Variants in TSPAN11 observed in about 807,000 individuals in gnomAD.
TSPAN11 encodes tetraspanin-11.
Under a neutral mutation model 32.9 loss-of-function variants are expected in TSPAN11, and 29 were observed. The ratio of observed to expected loss-of-function variants is 0.88; its 90% CI spans 0.66 to 1.20. The LOEUF is 1.20. Among genes scored for constraint, TSPAN11 ranks in the 50% most tolerant of loss-of-function variants. TSPAN11 has a pLI of 0.00. For missense variants in TSPAN11, 283 were observed against 329.1 expected, an observed-to-expected ratio of 0.86 and a Z score of 1.08; for synonymous variants, 140 against 141.3, an observed-to-expected ratio of 0.99 and a Z score of 0.07.
At chr12:30,946,526 C>T in intron 1 of TSPAN11, among the ~76,000 whole-genome samples, 1 of 152,140 alleles carries the variant, frequency 6.6e-6, no homozygotes, top group East Asian at 1.9e-4. Context: ...GGAGGGTTAC[C>T]CAATCAAACT....
At chr12:30,942,603 C>T (rs945365216) in intron 1 of TSPAN11, among the ~76,000 whole-genome samples, 1 of 151,898 alleles carries the variant, frequency 6.6e-6, no homozygotes, top group Non-Finnish European at 1.5e-5. Flanking sequence ...GGTAGCAAAC[C>T]ATCCAGGGAC....
intron 1 of TSPAN11, among the ~76,000 whole-genome samples, chr12:30,948,555 C>A (rs1938316516): frequency 6.6e-6 from 1 of 152,172 alleles, no homozygotes. Context: ...GAAGCCACAG[C>A]CCGAGCTTTA....
At position 30,995,727 on chromosome 12, in the gene TSPAN11, G is replaced by C. The variant is rs35068; in HGVS notation, c.*3812G>C. The stretch of plus-strand genomic sequence containing the variant: ...TCCACTGAGGGTATAGTGACCAAGC[G>C]TCTAAACCAGTCGTTCTCAAACTTC... On this transcript the variant is annotated 3_prime_UTR_variant, in exon 8 of 8. Coordinates refer to ENST00000546076, the MANE Select transcript of TSPAN11 (RefSeq NM_001370302.1). The C allele has an allele frequency of 6.6e-6, 1 of 151,954 alleles. No homozygotes were observed. The highest frequency in any genetic ancestry group is 1.5e-5 in the Non-Finnish European group (1 of 68,000). The allele number at this position is 151,954 out of a possible 1,614,324, so 9.4% of individuals were successfully genotyped here. A position where few individuals can be genotyped will look rare whatever the true frequency, so the allele number is the denominator to read the frequency against.
chr12:30,963,855 C>T lies in TSPAN11; in HGVS notation c.114C>T (p.Gly38=), dbSNP rs532196606. 2.6e-4 allele frequency: 420 copies of T among 1,611,048 alleles called. 1 individual carries two copies. In the South Asian group the frequency reaches 4.3e-3, roughly 17 times the overall value. Residue 38 remains glycine, a synonymous_variant, in exon 3 of 8, where the codon GGC becomes GGT. Coordinates refer to ENST00000546076, the MANE Select transcript of TSPAN11 (RefSeq NM_001370302.1). ...WVGGAAVLAV[G]IWTLVEKSGY... ...GGGGAGCAGCCGTCCTGGCTGTGGG[C>T]ATCTGGACCCTGGTGGAGAAGAGTG...
chr12:30,984,085 A>C (rs1939151291), intron 7 of TSPAN11, among the ~76,000 whole-genome samples: 2 of 152,334 alleles, frequency 1.3e-5, no homozygotes, highest in Non-Finnish European at 2.9e-5. Flanking sequence ...AGGCCTCCTC[A>C]GCGGCAAGGG....
intron 2 of TSPAN11, among the ~76,000 whole-genome samples, chr12:30,962,366 C>G (rs1938630258): frequency 6.6e-6 from 1 of 152,206 alleles, no homozygotes; most frequent in Admixed American, 6.5e-5. Flanking sequence ...TGGATTTGCT[C>G]TCAGGAGACA....
chr12:30,982,709 G>T lies in TSPAN11; in HGVS notation c.615+19G>T. ...GGTGGAGGTGAGCACCCAAGCTCAAGTTGGGGGTGAGGAGAGGGCCCTGGC... is the reference window on the plus strand; with the variant it reads ...GGTGGAGGTGAGCACCCAAGCTCAATTTGGGGGTGAGGAGAGGGCCCTGGC... On this transcript the variant is annotated intron_variant, in intron 6 of 7. Coordinates refer to ENST00000546076, the MANE Select transcript of TSPAN11 (RefSeq NM_001370302.1). 6.5e-7 allele frequency: 1 copy of T among 1,539,538 alleles called. No homozygotes were observed.
the TSPAN11 span, chr12:31,006,104 C>T: frequency 6.6e-6 from 1 of 152,604 alleles, no homozygotes; most frequent in Non-Finnish European, 1.5e-5. Context: ...GTAGCACAGC[C>T]AAAGCTCAGA....
chr12:30,964,126 T>C, intron 3 of TSPAN11, 109 bp downstream of exon 3: 1 of 1,150,032 alleles, frequency 8.7e-7, no homozygotes, highest in Non-Finnish European at 1.2e-6. Flanking sequence ...GCTGAGGCTG[T>C]GGGAGTGCCC....
the TSPAN11 span, among the ~76,000 whole-genome samples, chr12:31,014,418 A>G: frequency 6.6e-6 from 1 of 152,226 alleles, no homozygotes; most frequent in Non-Finnish European, 1.5e-5. Context: ...GAATTTATTA[A>G]TATCTCCAAT....
chr12:30,951,977 AC>A (rs543535543), intron 1 of TSPAN11, among the ~76,000 whole-genome samples: 1 of 152,174 alleles, frequency 6.6e-6, no homozygotes, highest in Non-Finnish European at 1.5e-5. Context: ...GTTTCCCCTG[AC>A]CCTGACATTT....
At chr12:30,976,922 C>T (rs991565144) in intron 3 of TSPAN11, among the ~76,000 whole-genome samples, 1 of 152,162 alleles carries the variant, frequency 6.6e-6, no homozygotes, top group East Asian at 1.9e-4. Flanking sequence ...CAGCGAAGAG[C>T]CTGGGGTAGG....
chr12:30,936,961 A>G (rs1290222169), intron 1 of TSPAN11, among the ~76,000 whole-genome samples: 1 of 152,244 alleles, frequency 6.6e-6, no homozygotes. Context: ...CAAGGAAGAA[A>G]GGACAGTTTT....
chr12:30,942,166 C>T (rs527760884), intron 1 of TSPAN11, among the ~76,000 whole-genome samples: 5 of 152,296 alleles, frequency 3.3e-5, no homozygotes, highest in South Asian at 2.1e-4. Flanking sequence ...TGTCCTTCAT[C>T]GGGAAGCTCT....
At chr12:30,991,302 A>G (rs1324403687) in intron 7 of TSPAN11, among the ~76,000 whole-genome samples, 2 of 152,278 alleles carry the variant, frequency 1.3e-5, no homozygotes, top group East Asian at 3.9e-4. Flanking sequence ...AGTTTCCCCC[A>G]TGGCTCCTGT....
intron 7 of TSPAN11, 115 bp downstream of exon 7, chr12:30,983,265 C>A: frequency 3.1e-6 from 3 of 973,908 alleles, no homozygotes; most frequent in Non-Finnish European, 4.6e-6. Context: ...CACACCCGCA[C>A]CCTACCCTGC....
chr12:30,974,910 G>C (rs963635960), intron 3 of TSPAN11, among the ~76,000 whole-genome samples: 2 of 152,230 alleles, frequency 1.3e-5, no homozygotes, highest in African/African-American at 2.4e-5. Flanking sequence ...AGCAGATGAC[G>C]CGCTGCAGGC....
chr12:31,016,313 C>T, the TSPAN11 span, among the ~76,000 whole-genome samples: 1 of 152,186 alleles, frequency 6.6e-6, no homozygotes, highest in Non-Finnish European at 1.5e-5. Flanking sequence ...ATGGAAAAGT[C>T]CTGGAAATGG....
intron 1 of TSPAN11, among the ~76,000 whole-genome samples, chr12:30,935,494 C>T (rs1263470692): frequency 6.7e-6 from 1 of 150,188 alleles, no homozygotes; most frequent in African/African-American, 2.5e-5. Flanking sequence ...AGCAATTCTC[C>T]TGCCTCAGCC....
Sources: gnomAD v4.1 joint callset for allele counts (sites outside exome capture counted in the v4.1 genomes callset) on GRCh38, gnomAD v4.1.1 for gene constraint, MANE v1.5 for transcripts, NCBI Gene and HGNC (gene_info 2026-07-23, HGNC 2026-07-21) for gene names.